PTGER3: variants seen among roughly 807,000 people sequenced by gnomAD.
PTGER3 encodes the protein prostaglandin E2 receptor EP3 subtype.
In PTGER3, 22 loss-of-function variants were observed where a neutral mutation model predicts 34.7. That is an observed-to-expected ratio of 0.63 (90% CI 0.45 to 0.91). The LOEUF (loss-of-function observed/expected upper bound fraction) is 0.91. PTGER3 is among the 40% of genes least tolerant of loss of function. The pLI, the probability that PTGER3 is intolerant of heterozygous loss-of-function variation, is 0.00. For synonymous variants in PTGER3, 241 were observed against 230.1 expected (o/e 1.05, Z -0.43); for missense variants, 468 against 519.4 (o/e 0.90, Z 0.96).
chr1:71,010,059 C>T (rs1657308509), intron 2 of PTGER3: 13 of 985,112 alleles, frequency 1.3e-5, no homozygotes, highest in Non-Finnish European at 1.6e-5. Context: ...AACACAAAAG[C>T]TGCCATTCAT....
At chr1:70,974,185 T>A in intron 3 of PTGER3, 112 bp downstream of exon 3, 1 of 1,422,854 alleles carries the variant, frequency 7.0e-7, no homozygotes. Flanking sequence ...TGTATATGTT[T>A]AATTTGCATT....
intron 2 of PTGER3, among the ~76,000 whole-genome samples, chr1:71,002,009 A>G (rs1656537430): frequency 6.6e-6 from 1 of 152,162 alleles, no homozygotes; most frequent in Non-Finnish European, 1.5e-5. Flanking sequence ...TAATCCCAGC[A>G]CTTTGGGAGG....
chr1:71,043,523 G>C (rs1336786201), intron 1 of PTGER3, among the ~76,000 whole-genome samples: 1 of 152,148 alleles, frequency 6.6e-6, no homozygotes, highest in Non-Finnish European at 1.5e-5. Flanking sequence ...AGTCATGATA[G>C]TCTTCCAGGA....
chr1:70,966,978 T>C (rs564209909), downstream of PTGER3, among the ~76,000 whole-genome samples: 84 of 152,258 alleles, frequency 5.5e-4, no homozygotes, highest in African/African-American at 2.0e-3. Flanking sequence ...ATAGGATTAC[T>C]GGGTCAAATG....
chr1:70,902,489 A>G (rs1380088673), intron 4 of PTGER3, among the ~76,000 whole-genome samples: 3 of 152,250 alleles, frequency 2.0e-5, no homozygotes. Context: ...AGAAGCAGAC[A>G]GGTGCTCAGC....
chr1:70,955,857 T>A (rs986066433), intron 2 of PTGER3, among the ~76,000 whole-genome samples: 6 of 152,178 alleles, frequency 3.9e-5, no homozygotes, highest in African/African-American at 1.4e-4. Context: ...CCCATCACTA[T>A]GCACAATTAT....
chr1:70,902,067 G>GA (rs910214449), intron 4 of PTGER3, among the ~76,000 whole-genome samples: 2 of 151,864 alleles, frequency 1.3e-5, no homozygotes, highest in African/African-American at 2.4e-5. Context: ...CTCTCCACCC[G>GA]AAAAAAATAT....
chr1:70,904,978 C>T (rs1459802260), intron 4 of PTGER3, among the ~76,000 whole-genome samples: 7 of 152,202 alleles, frequency 4.6e-5, no homozygotes, highest in Admixed American at 3.3e-4. Context: ...TGGGTTGGGC[C>T]TAAGGTCCCT....
At chr1:70,972,285 T>C (rs752769987) in intron 3 of PTGER3, among the ~76,000 whole-genome samples, 1 of 152,140 alleles carries the variant, frequency 6.6e-6, no homozygotes, top group Non-Finnish European at 1.5e-5. Flanking sequence ...ATCATGCCAC[T>C]GCACTCCAGC....
intron 4 of PTGER3, among the ~76,000 whole-genome samples, chr1:70,908,359 T>C (rs1646993208): frequency 6.6e-6 from 1 of 152,162 alleles, no homozygotes; most frequent in Admixed American, 6.5e-5. Context: ...ATGCCACTGC[T>C]CTTAGGAGCA....
At chr1:70,883,259 G>A (rs1646430932) in intron 4 of PTGER3, among the ~76,000 whole-genome samples, 2 of 152,110 alleles carry the variant, frequency 1.3e-5, no homozygotes, top group East Asian at 3.8e-4. Context: ...TACAAAATTA[G>A]TATTCAATTT....
chr1:71,035,077 C>G (rs1659709599), intron 1 of PTGER3, among the ~76,000 whole-genome samples: 2 of 152,044 alleles, frequency 1.3e-5, no homozygotes, highest in Admixed American at 1.3e-4. Context: ...TAAGGGTGTT[C>G]AACAAAGTGT....
intron 4 of PTGER3, among the ~76,000 whole-genome samples, chr1:70,898,416 C>T (rs1646768538): frequency 6.6e-6 from 1 of 152,192 alleles, no homozygotes; most frequent in Admixed American, 6.5e-5. Context: ...TACTCCCTGC[C>T]CTTTGGTTAA....
intron 4 of PTGER3, among the ~76,000 whole-genome samples, chr1:70,889,291 T>G (rs1033306753): frequency 2.6e-5 from 4 of 151,728 alleles, no homozygotes. Context: ...GGCGGGTGCC[T>G]GTAGTCCCAG....
At chr1:70,937,117 G>T (rs1649299930) in intron 4 of PTGER3, among the ~76,000 whole-genome samples, 1 of 152,166 alleles carries the variant, frequency 6.6e-6, no homozygotes, top group Non-Finnish European at 1.5e-5. Flanking sequence ...AGGAAATTAG[G>T]ATCAGATCTA....
intron 2 of PTGER3, among the ~76,000 whole-genome samples, chr1:71,001,824 G>A (rs1425460055): frequency 6.6e-6 from 1 of 152,202 alleles, no homozygotes; most frequent in African/African-American, 2.4e-5. Flanking sequence ...GTGTGTTCTG[G>A]TGAATGTGCG....
At chr1:70,959,985 G>T (rs946010406) in intron 2 of PTGER3, among the ~76,000 whole-genome samples, 9 of 152,080 alleles carry the variant, frequency 5.9e-5, no homozygotes, top group African/African-American at 2.2e-4. Flanking sequence ...AATATAACTG[G>T]TGTTCTTTAA....
chr1:70,883,770 G>A (rs944060529), intron 4 of PTGER3, among the ~76,000 whole-genome samples: 1 of 152,032 alleles, frequency 6.6e-6, no homozygotes, highest in Non-Finnish European at 1.5e-5. Context: ...ATCATTAAAC[G>A]ATCAGAACAT....
chr1:70,929,686 T>C (rs949743650), intron 4 of PTGER3, among the ~76,000 whole-genome samples: 3 of 152,194 alleles, frequency 2.0e-5, no homozygotes, highest in African/African-American at 4.8e-5. Context: ...CCCTTTAAGT[T>C]ACTGACGAAC....
Sources: allele counts gnomAD v4.1 joint callset (sites outside exome capture counted in the v4.1 genomes callset), GRCh38; gene constraint gnomAD v4.1.1; transcripts MANE v1.5; gene names NCBI Gene and HGNC (gene_info 2026-07-23, HGNC 2026-07-21).